The following BCAS3 variants were observed in gnomAD, a reference collection of about 807,000 sequenced individuals.
BCAS3 encodes BCAS3 microtubule associated cell migration factor, also known as BCAS4/BCAS3 fusion.
A neutral mutation model predicts 116.1 loss-of-function variants in BCAS3; 53 were observed. The observed-to-expected ratio is 0.46, with a 90% CI of 0.37 to 0.57. BCAS3 has a LOEUF of 0.57. BCAS3 is among the 20% of genes least tolerant of loss of function. The pLI, the probability that BCAS3 is intolerant of heterozygous loss-of-function variation, is 0.00. For missense variants in BCAS3, 917 were observed against 1,165.4 expected (o/e 0.79, Z 3.10); for synonymous variants, 391 against 408.2 (o/e 0.96, Z 0.51).
At chr17:60,760,267 A>G (rs1598510026) in intron 6 of BCAS3, among the ~76,000 whole-genome samples, 1 of 151,662 alleles carries the variant, frequency 6.6e-6, no homozygotes. Context: ...TCTCTCCCTT[A>G]TTTGTGTGTT....
intron 7 of BCAS3, among the ~76,000 whole-genome samples, chr17:60,865,864 A>G (rs2054551430): frequency 1.3e-5 from 2 of 152,258 alleles, no homozygotes; most frequent in Middle Eastern, 3.4e-3. Context: ...GTTTATTCTT[A>G]TATCTGTAGA....
intron 22 of BCAS3, among the ~76,000 whole-genome samples, chr17:61,194,628 T>C (rs1345969492): frequency 6.6e-6 from 1 of 150,960 alleles, no homozygotes; most frequent in Non-Finnish European, 1.5e-5. Context: ...TAATCCCAGC[T>C]ACTCAGAAGG....
intron 14 of BCAS3, among the ~76,000 whole-genome samples, chr17:60,988,360 T>TTTTTTTTTTTTTTTTTTTTTTTTTTTTG (rs1555651709): frequency 1.5e-5 from 2 of 134,820 alleles, no homozygotes; most frequent in African/African-American, 6.4e-5. Context: ...TTTTTTTTTT[T>TTTTTTTTTTTTTTTTTTTTTTTTTTTTG]ATGTATGTGT....
chr17:60,710,660 T>C (rs917295072), intron 5 of BCAS3, among the ~76,000 whole-genome samples: 8 of 151,872 alleles, frequency 5.3e-5, no homozygotes, highest in South Asian at 2.1e-4. Context: ...CTTGATCTGC[T>C]GACCTCGTGA....
At position 61,229,220 on chromosome 17, in the gene BCAS3, G is replaced by A. The variant is rs2082529247; in HGVS notation, c.2426-139107G>A. On this transcript the variant is annotated intron_variant, in intron 22 of 23. Transcript: ENST00000407086. The surrounding 1 kb of genome is among the most constrained non-coding windows in gnomAD (Gnocchi z 4.4). ...AAGCCAAAGCCTAATCCAGAGCAAG[G>A]CCCTACCTCTTTCAATTCTATGAAG... Among the ~76,000 whole-genome samples the A allele has an allele frequency of 6.6e-6, 1 of 152,200 alleles. No individual in the cohort carries two copies. The highest frequency in any genetic ancestry group is 1.5e-5 in the Non-Finnish European group (1 of 68,036).
At chr17:61,371,776 G>A (rs571814670) in intron 23 of BCAS3, among the ~76,000 whole-genome samples, 12 of 152,270 alleles carry the variant, frequency 7.9e-5, no homozygotes, top group African/African-American at 2.6e-4. Context: ...GCCAGGCGCC[G>A]GTGAGAAATG....
intron 5 of BCAS3, among the ~76,000 whole-genome samples, chr17:60,712,080 G>A (rs754651746): frequency 2.6e-5 from 4 of 152,142 alleles, no homozygotes; most frequent in East Asian, 1.9e-4. Flanking sequence ...CAGGAGAATC[G>A]CTTGAACCCG....
chr17:61,270,885 G>A (rs562619767), intron 22 of BCAS3, among the ~76,000 whole-genome samples: 13 of 150,110 alleles, frequency 8.7e-5, no homozygotes, highest in African/African-American at 2.2e-4. Context: ...TCAGCCTCCC[G>A]AGTAGCTGGG....
At chr17:61,301,429 C>T (rs368177557) in intron 22 of BCAS3, among the ~76,000 whole-genome samples, 1 of 152,060 alleles carries the variant, frequency 6.6e-6, no homozygotes, top group Non-Finnish European at 1.5e-5. Flanking sequence ...GTCAGGAGTT[C>T]GAGACCAGCC....
At chr17:61,049,730 C>CTTTTTTTTTTTTTTTTTTT (rs1027378849) in intron 19 of BCAS3, among the ~76,000 whole-genome samples, 2 of 120,826 alleles carry the variant, frequency 1.7e-5, no homozygotes, top group Admixed American at 8.1e-5. Context: ...CTTTTCTTTT[C>CTTTTTTTTTTTTTTTTTTT]TTTTTTTTTT....
chr17:61,128,223 A>G lies in BCAS3; in HGVS notation c.2425+43659A>G. ...GTGTGAGTCAAGGATGAGTACATGAAGATGAAGCCCATGCAATGAGGACAG... is the reference window on the plus strand; with the variant it reads ...GTGTGAGTCAAGGATGAGTACATGAGGATGAAGCCCATGCAATGAGGACAG... On this transcript the variant is annotated intron_variant, in intron 22 of 23. Coordinates refer to ENST00000407086, the MANE Select transcript of BCAS3 (RefSeq NM_017679.5). This position sits in a 1 kb window ranked among gnomAD's most constrained non-coding sequence, Gnocchi z 4.1. The G allele has an allele frequency of 1.0e-6, 1 of 985,448 alleles. No individual in the cohort carries two copies. The highest frequency in any genetic ancestry group is 1.2e-6 in the Non-Finnish European group (1 of 829,926). The allele number at this position is 985,448 out of a possible 1,614,324, so 61.0% of individuals were successfully genotyped here.
rs1190964600 is a variant in BCAS3, at chr17:61,258,879, T to G, written c.2426-109448T>G. On this transcript the variant is annotated intron_variant, in intron 22 of 23. Transcript: ENST00000407086. This position sits in a 1 kb window ranked among gnomAD's most constrained non-coding sequence, Gnocchi z 4.7. ...TTCGTAATTCCCCAAGATAAGATTT[T>G]ACCGTCCCTCTTAATTTTATTAATC... is the stretch of plus-strand genomic sequence containing the variant. Among the ~76,000 whole-genome samples, 4 of 152,242 alleles carry G rather than the reference T, an allele frequency of 2.6e-5. No individual in the cohort carries two copies. The highest frequency in any genetic ancestry group is 9.6e-5 in the African/African-American group (4 of 41,478).
intron 7 of BCAS3, among the ~76,000 whole-genome samples, chr17:60,856,365 A>G (rs2053671503): frequency 6.6e-6 from 1 of 152,196 alleles, no homozygotes; most frequent in African/African-American, 2.4e-5. Context: ...GCTAAGTATA[A>G]TTATTTTGGT....
At position 61,379,366 on chromosome 17, in the gene BCAS3, TGA is replaced by T. The variant is rs1284275596; in HGVS notation, c.2593+10878_2593+10879del. 6.6e-6 allele frequency: 1 copy of T among 152,156 alleles called. No individual in the cohort carries two copies. The highest frequency in any genetic ancestry group is 1.5e-5 in the Non-Finnish European group (1 of 68,058). The allele number at this position is 152,156 out of a possible 1,614,324, so 9.4% of individuals were successfully genotyped here. On this transcript the variant is annotated intron_variant, in intron 23 of 23. Coordinates refer to ENST00000407086, the MANE Select transcript of BCAS3 (RefSeq NM_017679.5). This position sits in a 1 kb window ranked among gnomAD's most constrained non-coding sequence, Gnocchi z 5.5. The stretch of plus-strand genomic sequence containing the variant: ...GCCACCCCCTGGATGTGGTGGCTGC[TGA>T]GAGAGGGAGACACACTTGCTCACAG...
intron 7 of BCAS3, among the ~76,000 whole-genome samples, chr17:60,815,457 G>GA (rs879885435): frequency 7.4e-5 from 11 of 148,004 alleles, no homozygotes; most frequent in African/African-American, 7.4e-5. Context: ...AAAAAAAAAG[G>GA]AAAAAAAAAA....
Position 61,198,391 on chromosome 17 carries a change from C to A in BCAS3, c.2425+113827C>A, listed in dbSNP as rs1384123771. 6.6e-6 allele frequency among the ~76,000 whole-genome samples: 1 copy of A among 152,244 alleles called. No individual in the cohort carries two copies. The highest frequency in any genetic ancestry group is 6.5e-5 in the Admixed American group (1 of 15,296). On this transcript the variant is annotated intron_variant, in intron 22 of 23. Transcript: ENST00000407086. This position sits in a 1 kb window ranked among gnomAD's most constrained non-coding sequence, Gnocchi z 5.0. Reference sequence around the variant, plus strand: ...TCCTGACCTCGTGATCCACCCGCCTCGGACTCCCAAAGTGCTGGGATTACA... The same window carrying A: ...TCCTGACCTCGTGATCCACCCGCCTAGGACTCCCAAAGTGCTGGGATTACA...
chr17:60,680,501 C>T (rs2032892439), intron 2 of BCAS3, among the ~76,000 whole-genome samples: 1 of 152,166 alleles, frequency 6.6e-6, no homozygotes. Flanking sequence ...TAAAAGGAAT[C>T]TCTTAGTCTA....
intron 5 of BCAS3, among the ~76,000 whole-genome samples, chr17:60,729,236 T>C (rs1424044138): frequency 6.6e-6 from 1 of 152,224 alleles, no homozygotes; most frequent in Non-Finnish European, 1.5e-5. Flanking sequence ...AGTTATTTTC[T>C]TTTTGATGGG....
chr17:61,167,839 T>C (rs2078606362), intron 22 of BCAS3, among the ~76,000 whole-genome samples: 1 of 144,902 alleles, frequency 6.9e-6, no homozygotes, highest in Non-Finnish European at 1.5e-5. Context: ...TTGCATTTTG[T>C]TTGTTAGTGC....
Sources: allele counts gnomAD v4.1 joint callset (sites outside exome capture counted in the v4.1 genomes callset), GRCh38; gene constraint gnomAD v4.1.1; non-coding constraint Gnocchi (gnomAD v3.1); transcripts MANE v1.5; gene names NCBI Gene and HGNC (gene_info 2026-07-23, HGNC 2026-07-21).